Variants in PRKX observed in about 807,000 individuals in gnomAD.
The protein encoded by PRKX is protein kinase cAMP-dependent X-linked catalytic subunit, also known as cAMP-dependent protein kinase catalytic subunit PRKX.
PRKX carries 12 observed loss-of-function variants against 22.0 expected under a neutral mutation model. That is an observed-to-expected ratio of 0.54 (90% CI 0.35 to 0.88). The LOEUF is 0.88. Ranked by LOEUF, PRKX falls within the 40% of genes least tolerant of loss-of-function variation. PRKX has a pLI of 0.01. For missense variants in PRKX, 217 were observed against 308.0 expected (o/e 0.70, Z 2.21); for synonymous variants, 134 against 137.7 (o/e 0.97, Z 0.19).
At chrX:3,665,993 T>C (rs1302832397) in intron 2 of PRKX, among the ~76,000 whole-genome samples, 1 of 96,508 alleles carries the variant, frequency 1.0e-5, no homozygotes, top group Non-Finnish European at 2.1e-5. Context: ...CACTAAACAG[T>C]GTTTTGTTTT....
intron 2 of PRKX, among the ~76,000 whole-genome samples, chrX:3,663,040 A>T (rs1927637126): frequency 1.9e-5 from 2 of 107,462 alleles, no homozygotes; most frequent in Non-Finnish European, 3.8e-5. Context: ...GGGTCTCACT[A>T]AGATGCCCAG....
At chrX:3,627,307 G>A (rs778324859) in intron 4 of PRKX, among the ~76,000 whole-genome samples, 7 of 106,762 alleles carry the variant, frequency 6.6e-5, no homozygotes, top group African/African-American at 1.4e-4. Context: ...ACTTGAACCC[G>A]GAAGGTGGAG....
intron 1 of PRKX, among the ~76,000 whole-genome samples, chrX:3,692,326 A>G (rs1181626600): frequency 9.1e-6 from 1 of 110,188 alleles, no homozygotes; most frequent in Non-Finnish European, 1.9e-5. Context: ...GACAACCACA[A>G]CTGTCCCCAG....
At chrX:3,666,092 T>A (rs1231859983) in intron 2 of PRKX, among the ~76,000 whole-genome samples, 4 of 107,802 alleles carry the variant, frequency 3.7e-5, no homozygotes, top group African/African-American at 1.4e-4. Context: ...CTCACTGCAA[T>A]CTCCGCCTCC....
At chrX:3,707,214 G>A (rs1368618057) in intron 1 of PRKX, among the ~76,000 whole-genome samples, 3 of 111,766 alleles carry the variant, frequency 2.7e-5, no homozygotes, top group Non-Finnish European at 3.8e-5. Context: ...TATTGTACCC[G>A]TCCAGTACTT....
chrX:3,640,711 T>C (rs1234051258), intron 4 of PRKX, among the ~76,000 whole-genome samples: 1 of 111,352 alleles, frequency 9.0e-6, no homozygotes, highest in Admixed American at 9.6e-5. Context: ...CCTACTGGGC[T>C]GCACTCCCAG....
chrX:3,627,082 T>C (rs1486356998), intron 4 of PRKX, among the ~76,000 whole-genome samples: 1 of 111,102 alleles, frequency 9.0e-6, no homozygotes, highest in African/African-American at 3.3e-5. Flanking sequence ...GAGGTGTCAA[T>C]CATCTCAACC....
chrX:3,685,693 G>T (rs6641846), intron 1 of PRKX, among the ~76,000 whole-genome samples: 33,620 of 108,137 alleles, frequency 0.31, 4,697 homozygotes, highest in East Asian at 0.62. Flanking sequence ...TATGTACACC[G>T]GAATAACACT....
intron 3 of PRKX, among the ~76,000 whole-genome samples, chrX:3,646,307 G>C (rs1388296434): frequency 3.8e-5 from 4 of 105,932 alleles, no homozygotes; most frequent in Non-Finnish European, 7.8e-5. Flanking sequence ...AAAAGAGAGA[G>C]AGACAGAGAG....
At position 3,693,190 on chromosome X, in the gene PRKX, T is replaced by G. The variant is rs144244554; in HGVS notation, c.167-18424A>C. On this transcript the variant is annotated intron_variant, in intron 1 of 8. Coordinates refer to ENST00000262848, the MANE Select transcript of PRKX (RefSeq NM_005044.5). ...AGTAAGTCTAACAACTTGGGTGACC[T>G]CACATGAGTTTGTTCAGACTTGAGG... Among the ~76,000 whole-genome samples the G allele has an allele frequency of 1.8e-3, 198 of 111,335 alleles. 2 individuals are homozygous for G. The highest frequency in any genetic ancestry group is 6.1e-3 in the African/African-American group (188 of 30,630).
chrX:3,709,757 T>C (rs1215578452), intron 1 of PRKX, among the ~76,000 whole-genome samples: 1 of 111,717 alleles, frequency 9.0e-6, no homozygotes, highest in African/African-American at 3.3e-5. Flanking sequence ...TCTCTCTACA[T>C]AGGGTGAGTT....
rs1927026624 is a variant in PRKX, at chrX:3,639,690, A to T, written c.719+2162T>A. ...GCTAGACAATGAAATACAGGTTTTT[A>T]CGGGTTCCACTCTCCTCCTGCGGCA... On this transcript the variant is annotated intron_variant, in intron 4 of 8. Coordinates refer to ENST00000262848, the MANE Select transcript of PRKX (RefSeq NM_005044.5). Among the ~76,000 whole-genome samples the T allele has an allele frequency of 2.7e-5, 3 of 110,678 alleles. No individual in the cohort carries two copies. In the South Asian group the frequency reaches 1.2e-3, roughly 43 times the overall value.
chrX:3,655,987 T>C (rs993956690), intron 2 of PRKX, among the ~76,000 whole-genome samples: 3 of 110,756 alleles, frequency 2.7e-5, no homozygotes, highest in African/African-American at 9.9e-5. Flanking sequence ...TGCAGATGGA[T>C]GTTAGATTAT....
intron 5 of PRKX, among the ~76,000 whole-genome samples, chrX:3,624,101 C>G (rs1311441439): frequency 9.0e-6 from 1 of 111,100 alleles, no homozygotes; most frequent in Non-Finnish European, 1.9e-5. Flanking sequence ...GTGGTTCACG[C>G]CTGTAATCCC....
At chrX:3,616,937 A>T (rs1926431972) in intron 6 of PRKX, among the ~76,000 whole-genome samples, 1 of 111,389 alleles carries the variant, frequency 9.0e-6, no homozygotes, top group Non-Finnish European at 1.9e-5. Context: ...TTTGGATACT[A>T]AAGGATGTGT....
intron 4 of PRKX, among the ~76,000 whole-genome samples, chrX:3,629,414 GT>G (rs766702749): frequency 0.012 from 1,071 of 91,450 alleles, 8 homozygotes; most frequent in African/African-American, 0.034. Flanking sequence ...CCAGGGTTTT[GT>G]TTTTTTTTTT....
intron 1 of PRKX, among the ~76,000 whole-genome samples, chrX:3,682,604 T>C (rs1928097002): frequency 9.0e-6 from 1 of 110,794 alleles, no homozygotes; most frequent in African/African-American, 3.3e-5. Context: ...ATATGAGTGG[T>C]GAACTAATAA....
intron 3 of PRKX, among the ~76,000 whole-genome samples, chrX:3,644,234 C>CAAAAAAAAAAAAAAAAAAA (rs35016428): frequency 2.2e-5 from 1 of 45,083 alleles, no homozygotes; most frequent in Non-Finnish European, 3.7e-5. Context: ...CACTCCTTTA[C>CAAAAAAAAAAAAAAAAAAA]AAAAAAAAAA....
At chrX:3,699,957 G>A (rs1382067992) in intron 1 of PRKX, among the ~76,000 whole-genome samples, 3 of 111,474 alleles carry the variant, frequency 2.7e-5, no homozygotes, top group Non-Finnish European at 3.8e-5. Flanking sequence ...GTGAAGAGGA[G>A]ACTGGGAGTG....
Sources: gnomAD v4.1 joint callset for allele counts (sites outside exome capture counted in the v4.1 genomes callset) on GRCh38, gnomAD v4.1.1 for gene constraint, MANE v1.5 for transcripts, NCBI Gene and HGNC (gene_info 2026-07-23, HGNC 2026-07-21) for gene names.